DENND1A: variants seen among roughly 807,000 people sequenced by gnomAD.
DENND1A encodes the protein DENN domain containing 1A, also known as DENN domain-containing protein 1A.
A neutral mutation model predicts 113.7 loss-of-function variants in DENND1A; 51 were observed. The ratio of observed to expected loss-of-function variants is 0.45; its 90% CI spans 0.36 to 0.57. DENND1A has a LOEUF of 0.57. DENND1A is among the 20% of genes least tolerant of loss of function. The probability of loss-of-function intolerance (pLI) is 0.00; values close to 1 mark genes in which losing one functional copy is unlikely to be tolerated. For missense variants in DENND1A, 1,258 were observed against 1,395.9 expected, an observed-to-expected ratio of 0.90 and a Z score of 1.57; for synonymous variants, 565 against 570.8, an observed-to-expected ratio of 0.99 and a Z score of 0.14.
chr9:123,721,044 C>T (rs1201781560), intron 5 of DENND1A, among the ~76,000 whole-genome samples: 1 of 152,204 alleles, frequency 6.6e-6, no homozygotes, highest in Non-Finnish European at 1.5e-5. Flanking sequence ...AGCTCACCTG[C>T]TTGCTCACTT....
chr9:123,724,450 C>A (rs2067553035), intron 5 of DENND1A, among the ~76,000 whole-genome samples: 1 of 150,996 alleles, frequency 6.6e-6, no homozygotes, highest in South Asian at 2.1e-4. Flanking sequence ...GAGTTAACCA[C>A]CTGGAGTGAG....
chr9:123,796,782 C>T (rs1833847798), intron 2 of DENND1A, among the ~76,000 whole-genome samples: 1 of 151,932 alleles, frequency 6.6e-6, no homozygotes, highest in Non-Finnish European at 1.5e-5. Flanking sequence ...CACACACACA[C>T]ACACACACAT....
chr9:123,600,916 C>A (rs1390160894), intron 11 of DENND1A, among the ~76,000 whole-genome samples: 1 of 152,098 alleles, frequency 6.6e-6, no homozygotes, highest in African/African-American at 2.4e-5. Context: ...CCAGTGCCCA[C>A]GAGCTCTCTG....
chr9:123,689,718 C>T (rs1486565979), intron 5 of DENND1A, among the ~76,000 whole-genome samples: 1 of 151,956 alleles, frequency 6.6e-6, no homozygotes, highest in African/African-American at 2.4e-5. Context: ...GCCTATAAAC[C>T]CAGCACTTTC....
chr9:123,560,987 T>C (rs768466798), intron 12 of DENND1A, among the ~76,000 whole-genome samples: 1 of 152,168 alleles, frequency 6.6e-6, no homozygotes, highest in Non-Finnish European at 1.5e-5. Flanking sequence ...AGCAGCATGC[T>C]CTATTAACAT....
intron 9 of DENND1A, among the ~76,000 whole-genome samples, chr9:123,651,257 A>C (rs879922107): frequency 6.6e-6 from 1 of 152,246 alleles, no homozygotes; most frequent in Non-Finnish European, 1.5e-5. Context: ...AACAAAATAC[A>C]AATAAAAAAA....
chr9:123,487,576 C>T (rs1288789675), intron 13 of DENND1A, among the ~76,000 whole-genome samples: 1 of 152,234 alleles, frequency 6.6e-6, no homozygotes, highest in Non-Finnish European at 1.5e-5. Context: ...TGGACACTTT[C>T]TTGTCCCACA....
At chr9:123,646,460 A>G (rs1002756939) in intron 9 of DENND1A, among the ~76,000 whole-genome samples, 4 of 152,170 alleles carry the variant, frequency 2.6e-5, no homozygotes, top group Non-Finnish European at 5.9e-5. Flanking sequence ...CATGCTCATA[A>G]GAATGTGCCA....
chr9:123,829,148 G>T (rs1460474639), intron 2 of DENND1A, among the ~76,000 whole-genome samples: 4 of 152,062 alleles, frequency 2.6e-5, no homozygotes, highest in Non-Finnish European at 5.9e-5. Flanking sequence ...ATATAAATGA[G>T]CAATAAATGA....
At chr9:123,817,518 C>T (rs1837694434) in intron 2 of DENND1A, among the ~76,000 whole-genome samples, 1 of 152,074 alleles carries the variant, frequency 6.6e-6, no homozygotes, top group African/African-American at 2.4e-5. Flanking sequence ...AGATAATAAC[C>T]TTAATGAGCC....
intron 6 of DENND1A, 49 bp from the exon 7 acceptor site, chr9:123,671,420 G>A (rs1186778275): frequency 1.9e-6 from 3 of 1,585,388 alleles, no homozygotes; most frequent in East Asian, 4.5e-5. Flanking sequence ...TGAGCCCTTA[G>A]TAAGATACCT....
intron 5 of DENND1A, among the ~76,000 whole-genome samples, chr9:123,698,039 G>A (rs1035088042): frequency 2.0e-5 from 3 of 152,138 alleles, no homozygotes; most frequent in Non-Finnish European, 2.9e-5. Context: ...GTTAAGGACC[G>A]AGAAGATTTA....
intron 2 of DENND1A, among the ~76,000 whole-genome samples, chr9:123,836,940 T>A (rs1272927017): frequency 1.3e-5 from 2 of 152,190 alleles, no homozygotes; most frequent in East Asian, 3.8e-4. Flanking sequence ...CTTCTATAGT[T>A]CCCTTACTAA....
At chr9:123,590,034 G>A (rs2137020789) in intron 11 of DENND1A, among the ~76,000 whole-genome samples, 1 of 152,350 alleles carries the variant, frequency 6.6e-6, no homozygotes, top group South Asian at 2.1e-4. Context: ...ATAAGCTAAT[G>A]TATGTAAAAG....
chr9:123,429,152 A>C (rs2045953407), intron 19 of DENND1A, among the ~76,000 whole-genome samples: 1 of 152,270 alleles, frequency 6.6e-6, no homozygotes, highest in African/African-American at 2.4e-5. Flanking sequence ...CTACAAGGCT[A>C]CAGTAACCAA....
At chr9:123,885,427 T>C (rs1034539116) in intron 1 of DENND1A, among the ~76,000 whole-genome samples, 1 of 152,188 alleles carries the variant, frequency 6.6e-6, no homozygotes, top group Non-Finnish European at 1.5e-5. Context: ...ATGAATGAGT[T>C]TTCCTCCAAC....
At chr9:123,927,265 C>T (rs1202367175) in intron 1 of DENND1A, among the ~76,000 whole-genome samples, 6 of 152,160 alleles carry the variant, frequency 3.9e-5, no homozygotes, top group Non-Finnish European at 7.3e-5. Flanking sequence ...ACAACAGACA[C>T]CAGCTTCACA....
chr9:123,680,183 G>C (rs1036314061), intron 5 of DENND1A, among the ~76,000 whole-genome samples: 2 of 152,160 alleles, frequency 1.3e-5, no homozygotes, highest in African/African-American at 4.8e-5. Context: ...AAGCGAAAAG[G>C]AACAGCCTGC....
chr9:123,525,116 A>T (rs899404320), intron 13 of DENND1A, among the ~76,000 whole-genome samples: 2 of 152,196 alleles, frequency 1.3e-5, no homozygotes, highest in Admixed American at 6.5e-5. Context: ...CCGAAAAAGG[A>T]GGAGACGTGT....
Sources: gnomAD v4.1 joint callset for allele counts (sites outside exome capture counted in the v4.1 genomes callset) on GRCh38, gnomAD v4.1.1 for gene constraint, MANE v1.5 for transcripts, NCBI Gene and HGNC (gene_info 2026-07-23, HGNC 2026-07-21) for gene names.